ANGPT2: variants seen among roughly 807,000 people sequenced by gnomAD.
The protein encoded by ANGPT2 is angiopoietin 2.
Under a neutral mutation model 62.9 loss-of-function variants are expected in ANGPT2, and 28 were observed. The ratio of observed to expected loss-of-function variants is 0.44; its 90% CI spans 0.33 to 0.61. The LOEUF (loss-of-function observed/expected upper bound fraction) is 0.61. ANGPT2 is among the 20% of genes least tolerant of loss of function. The pLI, the probability that ANGPT2 is intolerant of heterozygous loss-of-function variation, is 0.03. For missense variants in ANGPT2, 727 were observed against 594.9 expected (o/e 1.22, Z -2.31); for synonymous variants, 284 against 207.8 (o/e 1.37, Z -3.15).
chr8:6,513,555 A>G (rs2442629), intron 7 of ANGPT2, 123 bp downstream of exon 7: 245,001 of 623,078 alleles, frequency 0.39, 51,314 homozygotes, highest in Middle Eastern at 0.5. Flanking sequence ...GGATGGTCTC[A>G]ATCTCCTGAC....
At chr8:6,529,571 C>T (rs747394331) in intron 2 of ANGPT2, among the ~76,000 whole-genome samples, 2 of 151,182 alleles carry the variant, frequency 1.3e-5, no homozygotes, top group African/African-American at 4.9e-5. Context: ...TGTAACCTCA[C>T]TAAGCCTCCC....
intron 8 of ANGPT2, among the ~76,000 whole-genome samples, chr8:6,504,181 G>A (rs1252237843): frequency 6.6e-6 from 1 of 151,900 alleles, no homozygotes; most frequent in Non-Finnish European, 1.5e-5. Flanking sequence ...AGCCGGGCGT[G>A]GTGGCGGACG....
Position 6,503,235 on chromosome 8 carries a change from A to T in ANGPT2, c.1354T>A (p.Ser452Thr). 1.2e-6 allele frequency: 2 copies of T among 1,614,094 alleles called. No individual in the cohort carries two copies. Among genetic ancestry groups the T allele is most frequent in the Non-Finnish European group, 1.7e-6 (2 of 1,179,998 alleles). Residue 452 changes from serine to threonine, a missense_variant, in exon 9 of 9, where the codon TCC becomes ACC. Coordinates refer to ENST00000629816, the MANE Select transcript of ANGPT2 (RefSeq NM_001118887.2). ...GGWWFDACGP[S>T]NLNGMYYPQR... Reference sequence around the variant, plus strand: ...GGATAGTACATTCCGTTCAAGTTGGAAGGACCACATGCATCAAACCACCAG... The same window carrying T: ...GGATAGTACATTCCGTTCAAGTTGGTAGGACCACATGCATCAAACCACCAG...
chr8:6,553,159 A>C (rs1229239250), intron 1 of ANGPT2, among the ~76,000 whole-genome samples: 1 of 152,180 alleles, frequency 6.6e-6, no homozygotes, highest in African/African-American at 2.4e-5. Context: ...ACTCTGGTGC[A>C]GGATGTTGAT....
intron 1 of ANGPT2, among the ~76,000 whole-genome samples, chr8:6,540,164 G>A (rs1821283805): frequency 6.6e-6 from 1 of 152,118 alleles, no homozygotes; most frequent in Admixed American, 6.5e-5. Flanking sequence ...GAGTGCAGCT[G>A]CATATTCTTT....
intron 1 of ANGPT2, among the ~76,000 whole-genome samples, chr8:6,539,648 G>A (rs772855451): frequency 5.9e-5 from 9 of 152,086 alleles, no homozygotes; most frequent in Non-Finnish European, 8.8e-5. Context: ...GTGCAGCGGC[G>A]TGATCTTGGC....
rs1586138115 is a variant in ANGPT2 at position 6,500,007 on chromosome 8, T to A, written c.*3094A>T. On this transcript the variant is annotated 3_prime_UTR_variant, in exon 9 of 9. Transcript: ENST00000629816. ...ATTATTATAAACATAAGGGTGGACT[T>A]AAGTTTTTATCCAGTCAAGCACAAT... 4 of 1,246,540 alleles carry A rather than the reference T, an allele frequency of 3.2e-6. No individual in the cohort carries two copies. The highest frequency in any genetic ancestry group is 4.6e-5 in the East Asian group (2 of 43,210). The allele number at this position is 1,246,540 out of a possible 1,614,324, so 77.2% of individuals were successfully genotyped here.
At chr8:6,513,340 T>C (rs2515420) in intron 7 of ANGPT2, among the ~76,000 whole-genome samples, 64,461 of 150,468 alleles carry the variant, frequency 0.43, 14,017 homozygotes, top group Middle Eastern at 0.52. Flanking sequence ...TTTTTCTTTT[T>C]TTTTTTTTTT....
At chr8:6,533,120 T>C (rs1333265913) in intron 1 of ANGPT2, among the ~76,000 whole-genome samples, 4 of 152,248 alleles carry the variant, frequency 2.6e-5, no homozygotes, top group African/African-American at 9.6e-5. Context: ...TTCACAATTT[T>C]GTCATTTCAT....
At chr8:6,530,324 G>T (rs2256628) in intron 2 of ANGPT2, among the ~76,000 whole-genome samples, 1 of 151,780 alleles carries the variant, frequency 6.6e-6, no homozygotes, top group African/African-American at 2.4e-5. Context: ...CCTGGCCAAC[G>T]TGGTGAAACC....
At chr8:6,561,280 A>G (rs1027673525) in intron 1 of ANGPT2, among the ~76,000 whole-genome samples, 1 of 152,256 alleles carries the variant, frequency 6.6e-6, no homozygotes, top group Admixed American at 6.5e-5. Flanking sequence ...TTTATGTCAC[A>G]TGAAATCTAC....
intron 1 of ANGPT2, among the ~76,000 whole-genome samples, chr8:6,555,273 A>G (rs955174012): frequency 1.3e-5 from 2 of 152,178 alleles, no homozygotes; most frequent in Non-Finnish European, 2.9e-5. Flanking sequence ...TAGTGGGAAG[A>G]GAAGGCCACA....
At chr8:6,551,865 C>T (rs926186068) in intron 1 of ANGPT2, among the ~76,000 whole-genome samples, 1 of 152,182 alleles carries the variant, frequency 6.6e-6, no homozygotes, top group Non-Finnish European at 1.5e-5. Context: ...ACCAACATTT[C>T]CCATTAAGAC....
chr8:6,525,197 T>A (rs186464119), intron 3 of ANGPT2, among the ~76,000 whole-genome samples: 126 of 152,332 alleles, frequency 8.3e-4, no homozygotes, highest in African/African-American at 2.7e-3. Flanking sequence ...TCAGTATTAA[T>A]AATAATTATT....
intron 1 of ANGPT2, among the ~76,000 whole-genome samples, chr8:6,551,891 A>G (rs1447998769): frequency 6.6e-6 from 1 of 152,206 alleles, no homozygotes; most frequent in African/African-American, 2.4e-5. Flanking sequence ...TGTTTAGGGA[A>G]TTTTTAAGCT....
chr8:6,527,659 C>T lies in ANGPT2; in HGVS notation c.462G>A (p.Thr154=), dbSNP rs115556798. 2,880 of 1,613,650 alleles carry T rather than the reference C, an allele frequency of 1.8e-3. 43 individuals are homozygous for T. In the African/African-American group the frequency reaches 0.035, roughly 20 times the overall value. The stretch of plus-strand genomic sequence containing the variant: ...GTTCCAAGAGCTGAAGTTCAAGTCT[C>T]GTGGTCTGATTTAATACCTAAATGT... ...DVEAQVLNQT[T]RLELQLLEHS... Residue 154 remains threonine (T), a synonymous_variant, in exon 3 of 9, where the codon ACG becomes ACA. Transcript: ENST00000629816.
At chr8:6,558,412 CTT>C (rs1406510855) in intron 1 of ANGPT2, among the ~76,000 whole-genome samples, 1 of 152,126 alleles carries the variant, frequency 6.6e-6, no homozygotes, top group Non-Finnish European at 1.5e-5. Flanking sequence ...GATTTGAACT[CTT>C]GTTTTTCAAT....
intron 1 of ANGPT2, among the ~76,000 whole-genome samples, chr8:6,559,098 CAGGAGG>C (rs1374764838): frequency 6.6e-6 from 1 of 152,126 alleles, no homozygotes; most frequent in African/African-American, 2.4e-5. Flanking sequence ...TTGTCCTCCG[CAGGAGG>C]ACCACGGGAG....
chr8:6,558,453 A>G (rs1057021267), intron 1 of ANGPT2, among the ~76,000 whole-genome samples: 1 of 152,174 alleles, frequency 6.6e-6, no homozygotes, highest in Non-Finnish European at 1.5e-5. Flanking sequence ...CAATTATTTT[A>G]TGGATTAAAA....
Sources: gnomAD v4.1 joint callset for allele counts (sites outside exome capture counted in the v4.1 genomes callset) on GRCh38, gnomAD v4.1.1 for gene constraint, MANE v1.5 for transcripts, NCBI Gene and HGNC (gene_info 2026-07-23, HGNC 2026-07-21) for gene names.